Variants in HPSE2 observed in about 807,000 individuals in gnomAD.
The protein encoded by HPSE2 is heparanase 2 (inactive).
HPSE2 carries 38 observed loss-of-function variants against 60.5 expected under a neutral mutation model. The ratio of observed to expected loss-of-function variants is 0.63; its 90% confidence interval spans 0.48 to 0.82. The LOEUF is 0.82. Among genes scored for constraint, HPSE2 ranks in the 40% least tolerant of loss-of-function variants. The pLI is 0.00. For missense variants in HPSE2, 713 were observed against 740.4 expected, an observed-to-expected ratio of 0.96 and a Z score of 0.43; for synonymous variants, 295 against 293.2, an observed-to-expected ratio of 1.01 and a Z score of -0.06.
intron 3 of HPSE2, among the ~76,000 whole-genome samples, chr10:98,963,192 C>T (rs1955724961): frequency 6.6e-6 from 1 of 151,954 alleles, no homozygotes; most frequent in Non-Finnish European, 1.5e-5. Context: ...ATGTTCAAGT[C>T]CTTTGGAGTA....
At chr10:98,723,197 C>A (rs1011646398) in intron 4 of HPSE2, among the ~76,000 whole-genome samples, 1 of 152,118 alleles carries the variant, frequency 6.6e-6, no homozygotes, top group African/African-American at 2.4e-5. Flanking sequence ...TTGTCAAAGG[C>A]CTTTTCTGCA....
At chr10:99,226,293 T>C (rs1849471487) in intron 2 of HPSE2, among the ~76,000 whole-genome samples, 1 of 152,062 alleles carries the variant, frequency 6.6e-6, no homozygotes. Flanking sequence ...TGGCAAACTA[T>C]TATATTCCAC....
intron 9 of HPSE2, among the ~76,000 whole-genome samples, chr10:98,515,678 A>G (rs1942579143): frequency 6.6e-6 from 1 of 152,128 alleles, no homozygotes; most frequent in African/African-American, 2.4e-5. Flanking sequence ...TTTTAAGAAT[A>G]TTTTCTAAAC....
At chr10:98,816,284 T>C (rs139565914) in intron 3 of HPSE2, among the ~76,000 whole-genome samples, 412 of 152,276 alleles carry the variant, frequency 2.7e-3, no homozygotes, top group Middle Eastern at 6.8e-3. Flanking sequence ...TGTTTTTTGT[T>C]TTTTTACAGT....
intron 3 of HPSE2, among the ~76,000 whole-genome samples, chr10:99,036,790 T>C (rs1389306229): frequency 6.6e-6 from 1 of 152,164 alleles, no homozygotes; most frequent in Non-Finnish European, 1.5e-5. Context: ...CTATGGTGGT[T>C]TTAACATATG....
intron 3 of HPSE2, among the ~76,000 whole-genome samples, chr10:98,948,532 T>C (rs975707120): frequency 2.0e-5 from 3 of 152,170 alleles, no homozygotes; most frequent in South Asian, 4.1e-4. Context: ...TGACTTCCTT[T>C]ACAACATGGA....
chr10:99,012,083 T>G (rs1957030831), intron 3 of HPSE2, among the ~76,000 whole-genome samples: 1 of 151,872 alleles, frequency 6.6e-6, no homozygotes, highest in East Asian at 1.9e-4. Flanking sequence ...TATAATTTAA[T>G]ACTTAAAAAT....
intron 9 of HPSE2, among the ~76,000 whole-genome samples, chr10:98,520,097 G>C (rs986015092): frequency 1.3e-5 from 2 of 152,166 alleles, no homozygotes; most frequent in Admixed American, 1.3e-4. Flanking sequence ...GGCACGCATG[G>C]CTGAATCTGA....
chr10:98,774,939 A>T (rs1410484202), intron 3 of HPSE2, among the ~76,000 whole-genome samples: 1 of 152,216 alleles, frequency 6.6e-6, no homozygotes, highest in African/African-American at 2.4e-5. Flanking sequence ...GTGGCAATAG[A>T]ATCCACAAGT....
chr10:98,798,108 G>A (rs1950822384), intron 3 of HPSE2, among the ~76,000 whole-genome samples: 2 of 152,104 alleles, frequency 1.3e-5, no homozygotes, highest in African/African-American at 2.4e-5. Flanking sequence ...CAATGGAGCT[G>A]CAATAGGTCT....
chr10:98,461,926 T>C (rs1940308949), intron 11 of HPSE2: 5 of 839,004 alleles, frequency 6.0e-6, no homozygotes, highest in East Asian at 5.3e-5. Context: ...ATTGGTTGGT[T>C]AAAAAGCTAA....
chr10:98,972,461 C>G (rs1033251854), intron 3 of HPSE2, among the ~76,000 whole-genome samples: 3 of 152,008 alleles, frequency 2.0e-5, no homozygotes, highest in Admixed American at 2.0e-4. Flanking sequence ...ATTTCTCGAG[C>G]CCTTAGTTCA....
chr10:98,951,429 C>T (rs1955353853), intron 3 of HPSE2, among the ~76,000 whole-genome samples: 1 of 152,226 alleles, frequency 6.6e-6, no homozygotes, highest in Admixed American at 6.5e-5. Flanking sequence ...AGTGTCCCTC[C>T]TTTGCATGCA....
intron 3 of HPSE2, among the ~76,000 whole-genome samples, chr10:99,026,645 T>G (rs1410854124): frequency 6.6e-6 from 1 of 152,114 alleles, no homozygotes; most frequent in Non-Finnish European, 1.5e-5. Flanking sequence ...TACAGAACAT[T>G]TTATTCAACA....
At chr10:98,535,046 T>C (rs1229196816) in intron 9 of HPSE2, among the ~76,000 whole-genome samples, 2 of 152,210 alleles carry the variant, frequency 1.3e-5, no homozygotes, top group Admixed American at 6.5e-5. Context: ...GCAAGTGAAA[T>C]GATTCAACTT....
intron 6 of HPSE2, among the ~76,000 whole-genome samples, chr10:98,692,863 G>C (rs2785233): frequency 0.35 from 53,632 of 152,034 alleles, 9,663 homozygotes; most frequent in Admixed American, 0.41. Flanking sequence ...AATGTAGACT[G>C]AAATATTTCC....
chr10:98,549,579 A>G (rs1943798853), intron 9 of HPSE2, among the ~76,000 whole-genome samples: 1 of 152,160 alleles, frequency 6.6e-6, no homozygotes, highest in South Asian at 2.1e-4. Flanking sequence ...AACTTCTTTA[A>G]AAAGCCCTTG....
chr10:99,118,911 G>A (rs143184890), intron 3 of HPSE2, among the ~76,000 whole-genome samples: 1 of 152,052 alleles, frequency 6.6e-6, no homozygotes, highest in East Asian at 1.9e-4. Context: ...CAGCTACTTG[G>A]GAGATGAGGC....
At chr10:98,556,874 T>C (rs114213905) in intron 9 of HPSE2, among the ~76,000 whole-genome samples, 27 of 152,192 alleles carry the variant, frequency 1.8e-4, no homozygotes, top group African/African-American at 6.5e-4. Context: ...AAAATCAAAG[T>C]TGGAAGAGAC....
Sources: allele counts gnomAD v4.1 joint callset (sites outside exome capture counted in the v4.1 genomes callset), GRCh38; gene constraint gnomAD v4.1.1; transcripts MANE v1.5; gene names NCBI Gene and HGNC (gene_info 2026-07-23, HGNC 2026-07-21).